The following DGKB variants were observed in gnomAD, a reference collection of about 807,000 sequenced individuals.
DGKB encodes diacylglycerol kinase beta.
Under a neutral mutation model 114.3 loss-of-function variants are expected in DGKB, and 67 were observed. That is an observed-to-expected ratio of 0.59 (90% CI 0.48 to 0.72). DGKB has a LOEUF of 0.72. Ranked by LOEUF, DGKB falls within the 30% of genes least tolerant of loss-of-function variation. The pLI is 0.00. For missense variants in DGKB, 907 were observed against 975.2 expected (o/e 0.93, Z 0.93); for synonymous variants, 398 against 323.1 (o/e 1.23, Z -2.49).
intron 23 of DGKB, among the ~76,000 whole-genome samples, chr7:14,245,156 A>ATATG (rs903074960): frequency 4.5e-4 from 68 of 151,592 alleles, no homozygotes; most frequent in Non-Finnish European, 8.8e-4. Context: ...GGAAATGTGC[A>ATATG]TATGTACACA....
chr7:14,908,270 C>G (rs1783812832), upstream of DGKB, among the ~76,000 whole-genome samples: 1 of 152,168 alleles, frequency 6.6e-6, no homozygotes, highest in African/African-American at 2.4e-5. Flanking sequence ...TCTATACCCA[C>G]TCTAACCCTT....
At chr7:14,282,712 G>A (rs997532331) in intron 23 of DGKB, among the ~76,000 whole-genome samples, 6 of 151,570 alleles carry the variant, frequency 4.0e-5, no homozygotes, top group African/African-American at 1.5e-4. Context: ...TTCAATATAC[G>A]CAAATCAATA....
intron 2 of DGKB, among the ~76,000 whole-genome samples, chr7:14,799,294 C>G (rs565985268): frequency 6.6e-6 from 1 of 152,176 alleles, no homozygotes; most frequent in Non-Finnish European, 1.5e-5. Context: ...TTCTCACTGT[C>G]CTACCTCAGG....
Position 14,244,894 on chromosome 7 carries a change from C to G in DGKB, c.2123-66743G>C, listed in dbSNP as rs1417075372. On this transcript the variant is annotated intron_variant, in intron 23 of 25. Transcript: ENST00000402815. Reference sequence around the variant, plus strand: ...CTCCAGAACTGTGAGAAGTAAATTTCTGTTATCTGTAAGCCACCCAGTCTA... The same window carrying G: ...CTCCAGAACTGTGAGAAGTAAATTTGTGTTATCTGTAAGCCACCCAGTCTA... Among the ~76,000 whole-genome samples, 3 of 151,994 alleles carry G rather than the reference C, an allele frequency of 2.0e-5. No homozygotes were observed. The East Asian group carries it at 5.8e-4, about 29-fold the overall frequency.
chr7:14,357,314 C>T (rs945173807), intron 21 of DGKB, among the ~76,000 whole-genome samples: 45 of 152,230 alleles, frequency 3.0e-4, no homozygotes, highest in African/African-American at 9.1e-4. Flanking sequence ...GGATAGTTAG[C>T]TCTTCTTGTT....
chr7:14,833,699 T>C (rs1423235270), intron 2 of DGKB, among the ~76,000 whole-genome samples: 1 of 152,164 alleles, frequency 6.6e-6, no homozygotes, highest in African/African-American at 2.4e-5. Context: ...ATGCATGACA[T>C]GCATGCTCAT....
chr7:14,842,308 ATC>A (rs1229585084), intron 1 of DGKB, among the ~76,000 whole-genome samples: 1 of 152,014 alleles, frequency 6.6e-6, no homozygotes, highest in Non-Finnish European at 1.5e-5. Flanking sequence ...TTTCTTCAAC[ATC>A]TCTTTACTGT....
chr7:14,246,244 G>A (rs1443235566), intron 23 of DGKB, among the ~76,000 whole-genome samples: 1 of 152,104 alleles, frequency 6.6e-6, no homozygotes, highest in African/African-American at 2.4e-5. Context: ...TTTGAGTGGT[G>A]ATTGTTTGAC....
At chr7:14,897,779 C>T (rs139241396) in intron 1 of DGKB, among the ~76,000 whole-genome samples, 88 of 151,992 alleles carry the variant, frequency 5.8e-4, no homozygotes, top group African/African-American at 2.0e-3. Context: ...TACACACTTG[C>T]TCTCAGACAT....
intron 23 of DGKB, among the ~76,000 whole-genome samples, chr7:14,299,398 C>T (rs1220048196): frequency 6.6e-6 from 1 of 152,036 alleles, no homozygotes; most frequent in Non-Finnish European, 1.5e-5. Context: ...TCTTCTAGAA[C>T]AGCTTTTGAT....
chr7:14,407,441 C>A (rs1031768976), intron 21 of DGKB, among the ~76,000 whole-genome samples: 2 of 151,982 alleles, frequency 1.3e-5, no homozygotes, highest in African/African-American at 4.8e-5. Context: ...GACTGGAGAA[C>A]TTTGCTCCAG....
chr7:14,242,559 C>T lies in DGKB; in HGVS notation c.2123-64408G>A, dbSNP rs192350688. On this transcript the variant is annotated intron_variant, in intron 23 of 25. Coordinates refer to ENST00000402815, the MANE Select transcript of DGKB (RefSeq NM_001350709.2). The stretch of plus-strand genomic sequence containing the variant: ...ATTCATTCAGTAATGCCACCCAGGC[C>T]CTTCAAAGCAATATCTTACATTGTA... Among the ~76,000 whole-genome samples the T allele has an allele frequency of 7.2e-5, 11 of 152,170 alleles. No homozygotes were observed. In the East Asian group the frequency reaches 1.9e-3, roughly 27 times the overall value.
At chr7:14,897,666 A>C (rs1782323572) in intron 1 of DGKB, among the ~76,000 whole-genome samples, 1 of 151,970 alleles carries the variant, frequency 6.6e-6, no homozygotes, top group African/African-American at 2.4e-5. Flanking sequence ...TATCCATCAT[A>C]TTCCAAAATA....
At chr7:14,300,605 A>G (rs1315808918) in intron 23 of DGKB, among the ~76,000 whole-genome samples, 1 of 152,060 alleles carries the variant, frequency 6.6e-6, no homozygotes, top group Non-Finnish European at 1.5e-5. Context: ...AAATTTAAAT[A>G]TTCTCTTAGT....
intron 23 of DGKB, among the ~76,000 whole-genome samples, 198 bp downstream of exon 23, chr7:14,338,317 G>A (rs1437119829): frequency 2.0e-5 from 3 of 151,968 alleles, no homozygotes; most frequent in Non-Finnish European, 4.4e-5. Flanking sequence ...GAAGAATAAC[G>A]AAAAATGTAG....
intron 2 of DGKB, among the ~76,000 whole-genome samples, chr7:14,781,176 G>A (rs1393619332): frequency 2.0e-5 from 3 of 152,180 alleles, no homozygotes; most frequent in Non-Finnish European, 2.9e-5. Flanking sequence ...GTGTGGTTGA[G>A]CAAGGGGCCG....
At chr7:14,534,859 AG>A (rs1792165734) in intron 20 of DGKB, among the ~76,000 whole-genome samples, 1 of 152,202 alleles carries the variant, frequency 6.6e-6, no homozygotes, top group South Asian at 2.1e-4. Flanking sequence ...CTGACCATAA[AG>A]GAACAAATAT....
At chr7:14,864,179 A>G (rs1442898884) in intron 1 of DGKB, among the ~76,000 whole-genome samples, 1 of 150,716 alleles carries the variant, frequency 6.6e-6, no homozygotes, top group Non-Finnish European at 1.5e-5. Context: ...TGTATTTGTT[A>G]TTTTATAATT....
chr7:14,214,441 C>G (rs915429098), intron 23 of DGKB, among the ~76,000 whole-genome samples: 2 of 151,890 alleles, frequency 1.3e-5, no homozygotes, highest in Non-Finnish European at 2.9e-5. Context: ...AAAAAATCTG[C>G]TTTGGTTGTA....
Sources: gnomAD v4.1 joint callset for allele counts (sites outside exome capture counted in the v4.1 genomes callset) on GRCh38, gnomAD v4.1.1 for gene constraint, MANE v1.5 for transcripts, NCBI Gene and HGNC (gene_info 2026-07-23, HGNC 2026-07-21) for gene names.